NPAS2: variants seen among roughly 807,000 people sequenced by gnomAD.
The protein encoded by NPAS2 is neuronal PAS domain protein 2, also known as neuronal PAS domain-containing protein 2.
In NPAS2, 23 loss-of-function variants were observed where a neutral mutation model predicts 107.5. The observed-to-expected ratio is 0.21, with a 90% confidence interval of 0.15 to 0.30. The LOEUF is 0.30. NPAS2 is among the 10% of genes least tolerant of loss of function. The pLI, the probability that NPAS2 is intolerant of heterozygous loss-of-function variation, is 1.00. For synonymous variants in NPAS2, 403 were observed against 417.5 expected, an observed-to-expected ratio of 0.97 and a Z score of 0.42; for missense variants, 756 against 1,043.3, an observed-to-expected ratio of 0.72 and a Z score of 3.79.
chr2:100,926,434 A>C (rs148176430), intron 3 of NPAS2, among the ~76,000 whole-genome samples: 2 of 152,168 alleles, frequency 1.3e-5, no homozygotes, highest in African/African-American at 4.8e-5. Flanking sequence ...CCTTGGCAAC[A>C]CTTATTACTG....
intron 1 of NPAS2, among the ~76,000 whole-genome samples, chr2:100,897,552 G>A (rs911600930): frequency 7.2e-5 from 11 of 152,044 alleles, no homozygotes; most frequent in African/African-American, 2.2e-4. Context: ...GCTGTTCCTC[G>A]CTTTCCTTGC....
chr2:100,849,352 G>A (rs919186555), intron 1 of NPAS2, among the ~76,000 whole-genome samples: 1 of 152,288 alleles, frequency 6.6e-6, no homozygotes, highest in African/African-American at 2.4e-5. Flanking sequence ...ATCCAAGAAA[G>A]GGGAGGACAG....
At chr2:100,897,558 C>T (rs780678671) in intron 1 of NPAS2, among the ~76,000 whole-genome samples, 151 of 152,264 alleles carry the variant, frequency 9.9e-4, no homozygotes, top group Non-Finnish European at 2.1e-3. Flanking sequence ...CCTCGCTTTC[C>T]TTGCTGTCTG....
chr2:100,849,212 C>T (rs949856244), intron 1 of NPAS2, among the ~76,000 whole-genome samples: 3 of 152,216 alleles, frequency 2.0e-5, no homozygotes, highest in African/African-American at 7.2e-5. Context: ...GCTCTCTCTT[C>T]TCTGGTTTAG....
At position 100,982,384 on chromosome 2, in the gene NPAS2, C is replaced by A; in HGVS notation, c.1629+7C>A. 4.3e-6 allele frequency: 7 copies of A among 1,613,432 alleles called. No individual in the cohort carries two copies. Among genetic ancestry groups the A allele is most frequent in the Non-Finnish European group, 5.9e-6 (7 of 1,179,902 alleles). ...CCAGGACTCCAACGTCCAGGTGATC[C>A]CCTTCCCGGGCTGGCCTCTGTCCCT... On this transcript the variant is annotated splice_region_variant and intron_variant, in intron 16 of 20. Coordinates refer to ENST00000335681, the MANE Select transcript of NPAS2 (RefSeq NM_002518.4).
At chr2:100,900,131 A>T (rs1257672498) in intron 1 of NPAS2, among the ~76,000 whole-genome samples, 3 of 152,250 alleles carry the variant, frequency 2.0e-5, no homozygotes, top group Admixed American at 6.5e-5. Flanking sequence ...ACTGCTCATC[A>T]GAAGACACCA....
intron 1 of NPAS2, among the ~76,000 whole-genome samples, chr2:100,874,038 T>G (rs1343338039): frequency 6.6e-6 from 1 of 151,910 alleles, no homozygotes; most frequent in Non-Finnish European, 1.5e-5. Flanking sequence ...TGGAGTGCAG[T>G]GGCGTGATCT....
At chr2:100,838,736 G>T (rs1002275140) in intron 1 of NPAS2, among the ~76,000 whole-genome samples, 1 of 152,136 alleles carries the variant, frequency 6.6e-6, no homozygotes, top group East Asian at 1.9e-4. Context: ...CTTCTCAAAG[G>T]GGTGTTCATA....
intron 1 of NPAS2, among the ~76,000 whole-genome samples, chr2:100,882,530 TA>T (rs1479111481): frequency 1.3e-5 from 2 of 151,996 alleles, no homozygotes; most frequent in Non-Finnish European, 2.9e-5. Flanking sequence ...GAGAATGGCG[TA>T]AAACCCGGGA....
intron 1 of NPAS2, among the ~76,000 whole-genome samples, chr2:100,882,334 G>A (rs1680402277): frequency 6.6e-6 from 1 of 152,196 alleles, no homozygotes; most frequent in Non-Finnish European, 1.5e-5. Context: ...AAACAGCCGG[G>A]CGCAGTGGCT....
intron 2 of NPAS2, among the ~76,000 whole-genome samples, chr2:100,924,061 G>A (rs1441997734): frequency 6.6e-6 from 1 of 152,054 alleles, no homozygotes; most frequent in East Asian, 1.9e-4. Context: ...TGCAGCACAG[G>A]GTGTCACTTA....
intron 1 of NPAS2, among the ~76,000 whole-genome samples, chr2:100,899,410 A>G (rs1383153594): frequency 2.0e-5 from 3 of 151,806 alleles, no homozygotes; most frequent in Admixed American, 2.0e-4. Context: ...TTTAGTAGAG[A>G]TGGGGTTTCA....
intron 7 of NPAS2, among the ~76,000 whole-genome samples, chr2:100,953,620 C>T (rs535339982): frequency 4.6e-5 from 7 of 152,254 alleles, no homozygotes; most frequent in African/African-American, 1.7e-4. Context: ...TGGTTTATGG[C>T]ATCATCCCAT....
chr2:100,929,517 C>A (rs1337304139), intron 3 of NPAS2, among the ~76,000 whole-genome samples: 1 of 152,202 alleles, frequency 6.6e-6, no homozygotes, highest in East Asian at 1.9e-4. Context: ...GGTAACCCCC[C>A]ACAGACCAAT....
intron 3 of NPAS2, among the ~76,000 whole-genome samples, chr2:100,929,589 A>C (rs1212723388): frequency 1.3e-5 from 2 of 152,182 alleles, no homozygotes; most frequent in Non-Finnish European, 2.9e-5. Context: ...AAGATTGTTC[A>C]CTTTTCAGGA....
At chr2:100,947,977 C>T (rs1461900186) in intron 5 of NPAS2, among the ~76,000 whole-genome samples, 1 of 152,172 alleles carries the variant, frequency 6.6e-6, no homozygotes, top group Non-Finnish European at 1.5e-5. Context: ...TCAGTCCTTC[C>T]TACATTTGTC....
At chr2:100,985,335 A>G (rs143052236) in intron 16 of NPAS2, 3 of 152,912 alleles carry the variant, frequency 2.0e-5, no homozygotes, top group African/African-American at 7.2e-5. Flanking sequence ...TCTTCCTTCC[A>G]TCCATCCTTT....
intron 7 of NPAS2, among the ~76,000 whole-genome samples, chr2:100,957,933 A>T (rs1335558266): frequency 6.6e-6 from 1 of 152,216 alleles, no homozygotes; most frequent in Non-Finnish European, 1.5e-5. Flanking sequence ...GTCTCAAAAA[A>T]AAAAGGTCTT....
chr2:100,874,128 G>A (rs979862134), intron 1 of NPAS2, among the ~76,000 whole-genome samples: 7 of 152,108 alleles, frequency 4.6e-5, no homozygotes, highest in South Asian at 2.1e-4. Flanking sequence ...GGGACTACAG[G>A]TGCATGCCAC....
Sources: gnomAD v4.1 joint callset for allele counts (sites outside exome capture counted in the v4.1 genomes callset) on GRCh38, gnomAD v4.1.1 for gene constraint, MANE v1.5 for transcripts, NCBI Gene and HGNC (gene_info 2026-07-23, HGNC 2026-07-21) for gene names.